NOTCH2: variants seen among roughly 807,000 people sequenced by gnomAD.
The protein encoded by NOTCH2 is notch receptor 2.
Under a neutral mutation model 235.8 loss-of-function variants are expected in NOTCH2, and 29 were observed. The observed-to-expected ratio is 0.12, with a 90% CI of 0.09 to 0.17. The LOEUF (loss-of-function observed/expected upper bound fraction) is 0.17, where lower values mean the gene tolerates loss of function less well. Among genes scored for constraint, NOTCH2 ranks in the 10% least tolerant of loss-of-function variants. NOTCH2 has a pLI of 1.00. For missense variants in NOTCH2, 2,285 were observed against 3,150.2 expected, an observed-to-expected ratio of 0.73 and a Z score of 6.57; for synonymous variants, 1,086 against 1,141.5, an observed-to-expected ratio of 0.95 and a Z score of 0.98.
In NOTCH2 at chr1:119,916,062, T is replaced by C. The variant is rs199829562; in HGVS notation, c.6660A>G (p.Ser2220=). The C allele has an allele frequency of 1.6e-5, 26 of 1,613,894 alleles. No homozygotes were observed. In the East Asian group the frequency reaches 5.8e-4, roughly 36 times the overall value. The change falls in exon 34 of 34, where the codon TCA becomes TCG. Residue 2220 remains serine (S), a synonymous_variant. Transcript: ENST00000256646. ...LAHGASTVLP[S]VSQLLSHHHI... ...GGTGGTGGGATAGCAACTGGCTCAC[T>C]GAGGGAAGCACAGTGCTGGCCCCAT...
At chr1:120,042,608 T>C (rs2101374176) in intron 1 of NOTCH2, among the ~76,000 whole-genome samples, 1 of 137,726 alleles carries the variant, frequency 7.3e-6, no homozygotes, top group East Asian at 1.9e-4. Flanking sequence ...ATTTAGTAAA[T>C]GTGGTTATTA....
chr1:119,943,961 C>T (rs1336825065), intron 17 of NOTCH2, among the ~76,000 whole-genome samples: 12 of 151,330 alleles, frequency 7.9e-5, no homozygotes, highest in African/African-American at 2.7e-4. Context: ...GAACAGTAAA[C>T]GAGAAACTAT....
At chr1:120,033,456 T>C (rs73004300) in intron 1 of NOTCH2, among the ~76,000 whole-genome samples, 3 of 106,774 alleles carry the variant, frequency 2.8e-5, no homozygotes, top group African/African-American at 3.6e-5. Flanking sequence ...GTGGTAGATA[T>C]ATACAATGGA....
intron 5 of NOTCH2, 137 bp downstream of exon 5, chr1:119,986,823 G>T: frequency 9.4e-7 from 1 of 1,060,966 alleles, no homozygotes; most frequent in Non-Finnish European, 1.4e-6. Context: ...CAATGATCTA[G>T]CATGGAGATC....
At chr1:119,958,377 G>C (rs1650792295) in intron 12 of NOTCH2, among the ~76,000 whole-genome samples, 1 of 152,328 alleles carries the variant, frequency 6.6e-6, no homozygotes, top group East Asian at 1.9e-4. Context: ...TTGTGAAATA[G>C]AGAACAAAGT....
rs142614610 is a variant in NOTCH2 at position 119,986,981 on chromosome 1, G to C, written c.853C>G (p.Arg285Gly). Residue 285 changes from arginine (R) to glycine (G), a missense_variant, in exon 5 of 34, where the codon CGC becomes GGC. Arg to Gly is a moderately radical substitution (Grantham distance 125). Coordinates refer to ENST00000256646, the MANE Select transcript of NOTCH2 (RefSeq NM_024408.4). ...CVDGVNTYNC[R>G]CPPQWTGQFC... ...ATACCTGTCCATTGTGGGGGACAGC[G>C]GCAGTTGTAAGTGTTGACCCCATCC... 1 of 1,613,582 alleles carries C rather than the reference G, an allele frequency of 6.2e-7. No homozygotes were observed.
At chr1:119,947,982 G>A (rs937738010) in intron 17 of NOTCH2, among the ~76,000 whole-genome samples, 4 of 152,170 alleles carry the variant, frequency 2.6e-5, no homozygotes. Context: ...CCACAGGCAA[G>A]AAAGAGAGAA....
chr1:119,916,783 T>TA (rs1427185970), intron 33 of NOTCH2, 89 bp from the exon 34 acceptor site: 3 of 1,308,694 alleles, frequency 2.3e-6, no homozygotes, highest in East Asian at 4.9e-5. Flanking sequence ...ATCACCCCCT[T>TA]AGACATGTTT....
chr1:119,967,296 C>T (rs1258209088), intron 8 of NOTCH2, 137 bp downstream of exon 8: 5 of 858,042 alleles, frequency 5.8e-6, no homozygotes, highest in Admixed American at 5.1e-5. Flanking sequence ...CCCTGACTTC[C>T]TCTAGTCCCC....
chr1:119,928,880 A>C, intron 23 of NOTCH2, 96 bp downstream of exon 23: 1 of 1,018,700 alleles, frequency 9.8e-7, no homozygotes, highest in African/African-American at 1.6e-5. Flanking sequence ...ATATAAGAAA[A>C]GCTTCACTTG....
chr1:119,950,230 T>C, intron 15 of NOTCH2: 1 of 352,120 alleles, frequency 2.8e-6, no homozygotes, highest in Non-Finnish European at 5.6e-6. Flanking sequence ...CTTACCTATA[T>C]GACCTTGAGC....
At position 119,948,654 on chromosome 1, in the gene NOTCH2, A is replaced by G. The variant is rs185516856; in HGVS notation, c.2600-88T>C. The G allele has an allele frequency of 9.6e-6, 14 of 1,459,168 alleles. No individual in the cohort carries two copies. In the South Asian group the frequency reaches 1.1e-4, roughly 12 times the overall value. 90.4% of individuals were successfully genotyped at this position (1,459,168 alleles called of 1,614,324 possible). ...CAGGACCTGAGCTTAGTTGGGGTGC[A>G]TGGAGCTATTCCACAGACAAACTGG... is the stretch of plus-strand genomic sequence containing the variant. On this transcript the variant is annotated intron_variant, in intron 16 of 33. Coordinates refer to ENST00000256646, the MANE Select transcript of NOTCH2 (RefSeq NM_024408.4).
chr1:119,980,821 G>A (rs1553201560), intron 5 of NOTCH2, among the ~76,000 whole-genome samples: 1 of 152,146 alleles, frequency 6.6e-6, no homozygotes, highest in African/African-American at 2.4e-5. Context: ...CTGCCACCAA[G>A]GCATGTGGAG....
chr1:119,991,813 C>T (rs587675359), intron 4 of NOTCH2, among the ~76,000 whole-genome samples: 10 of 94,412 alleles, frequency 1.1e-4, no homozygotes, highest in Admixed American at 4.0e-4. Context: ...GGAGAAAGAG[C>T]GATGCTCCGT....
chr1:119,940,574 T>C lies in NOTCH2; in HGVS notation c.3164A>G (p.Tyr1055Cys). The C allele has an allele frequency of 6.2e-7, 1 of 1,613,856 alleles. No individual in the cohort carries two copies. Among genetic ancestry groups the C allele is most frequent in the Non-Finnish European group, 8.5e-7 (1 of 1,179,886 alleles). ...GTYRCSCPLG[Y>C]TGKNCQTLVN... Reference sequence around the variant, plus strand: ...AATTACCTGACAGTTTTTCCCAGTGTAGCCCAGGGGGCAGCTGCAGCGGTA... The same window carrying C: ...AATTACCTGACAGTTTTTCCCAGTGCAGCCCAGGGGGCAGCTGCAGCGGTA... The change falls in exon 19 of 34, where the codon TAC (tyrosine) becomes TGC (cysteine). Residue 1055 changes from tyrosine to cysteine, a missense_variant. Coordinates refer to ENST00000256646, the MANE Select transcript of NOTCH2 (RefSeq NM_024408.4).
intron 13 of NOTCH2, 37 bp downstream of exon 13, chr1:119,955,003 G>A: frequency 6.2e-7 from 1 of 1,607,768 alleles, no homozygotes; most frequent in Non-Finnish European, 8.5e-7. Context: ...GCTTAACACA[G>A]GTCAATAAGA....
chr1:119,966,659 A>T (rs1651149347), intron 8 of NOTCH2, among the ~76,000 whole-genome samples, 170 bp from the exon 9 acceptor site: 1 of 152,158 alleles, frequency 6.6e-6, no homozygotes, highest in Non-Finnish European at 1.5e-5. Flanking sequence ...GTCAAGCAGG[A>T]CAGGGCATAC....
chr1:119,950,983 T>C (rs1199661566), intron 14 of NOTCH2, 146 bp from the exon 15 acceptor site: 3 of 699,640 alleles, frequency 4.3e-6, no homozygotes, highest in African/African-American at 1.7e-5. Context: ...TTCATTCATT[T>C]CAGCCCCATG....
At chr1:119,926,707 G>T in intron 23 of NOTCH2, 96 bp from the exon 24 acceptor site, 1 of 941,570 alleles carries the variant, frequency 1.1e-6, no homozygotes, top group Non-Finnish European at 1.7e-6. Flanking sequence ...AGCCATAGGT[G>T]AAGCAAGTGT....
Sources: allele counts gnomAD v4.1 joint callset (sites outside exome capture counted in the v4.1 genomes callset), GRCh38; gene constraint gnomAD v4.1.1; transcripts MANE v1.5; gene names NCBI Gene and HGNC (gene_info 2026-07-23, HGNC 2026-07-21).